Variants in ITGBL1 observed in about 807,000 individuals in gnomAD.
The protein encoded by ITGBL1 is integrin subunit beta like 1, also known as integrin beta-like protein 1.
A neutral mutation model predicts 68.5 loss-of-function variants in ITGBL1; 51 were observed. That is an observed-to-expected ratio of 0.74 (90% confidence interval 0.59 to 0.94). The LOEUF (loss-of-function observed/expected upper bound fraction) is 0.94, where lower values mean the gene tolerates loss of function less well. Ranked by LOEUF, ITGBL1 falls within the 40% of genes least tolerant of loss-of-function variation. ITGBL1 has a pLI of 0.00. For synonymous variants in ITGBL1, 209 were observed against 227.3 expected (o/e 0.92, Z 0.72); for missense variants, 649 against 647.4 (o/e 1.00, Z -0.03).
intron 2 of ITGBL1, among the ~76,000 whole-genome samples, chr13:101,476,007 G>T (rs1425332361): frequency 6.6e-6 from 1 of 152,104 alleles, no homozygotes; most frequent in Non-Finnish European, 1.5e-5. Flanking sequence ...TTATCTGAAG[G>T]TACAAAACTC....
intron 8 of ITGBL1, 119 bp downstream of exon 8, chr13:101,692,820 T>A: frequency 1.4e-6 from 1 of 725,532 alleles, no homozygotes. Context: ...CAGAAAGCAA[T>A]ATACCATTGA....
intron 7 of ITGBL1, among the ~76,000 whole-genome samples, chr13:101,637,282 A>T (rs1336389008): frequency 1.3e-5 from 2 of 152,104 alleles, no homozygotes; most frequent in Non-Finnish European, 2.9e-5. Flanking sequence ...TGAAATGTCA[A>T]GTATGGTTTG....
chr13:101,466,679 A>C (rs2048386055), intron 2 of ITGBL1, among the ~76,000 whole-genome samples: 1 of 152,180 alleles, frequency 6.6e-6, no homozygotes, highest in Non-Finnish European at 1.5e-5. Flanking sequence ...GAATACTAGC[A>C]CCATCTCACA....
Position 101,614,907 on chromosome 13 carries a change from A to G in ITGBL1, c.1015+16608A>G, listed in dbSNP as rs540900851. 4.2e-3 allele frequency among the ~76,000 whole-genome samples: 631 copies of G among 152,048 alleles called. 2 individuals are homozygous for G. The highest frequency in any genetic ancestry group is 0.015 in the African/African-American group (610 of 41,488). ...ACCACTTCTGTCTTAGCTGCAGGTG[A>G]CCCCTTGTGATCCACATTGGAGGTA... On this transcript the variant is annotated intron_variant, in intron 7 of 10. Coordinates refer to ENST00000376180, the MANE Select transcript of ITGBL1 (RefSeq NM_004791.3).
intron 5 of ITGBL1, among the ~76,000 whole-genome samples, chr13:101,581,685 C>T (rs1298160571): frequency 6.6e-6 from 1 of 152,094 alleles, no homozygotes; most frequent in African/African-American, 2.4e-5. Context: ...CCCCATTGAA[C>T]AATATTTCGG....
intron 2 of ITGBL1, 57 bp downstream of exon 2, chr13:101,454,157 T>A (rs1294205521): frequency 7.4e-7 from 1 of 1,355,946 alleles, no homozygotes; most frequent in African/African-American, 1.5e-5. Context: ...TTCTGGGATT[T>A]CTGCCACTCC....
chr13:101,681,814 A>G (rs2033650242), intron 7 of ITGBL1, among the ~76,000 whole-genome samples: 1 of 151,856 alleles, frequency 6.6e-6, no homozygotes, highest in African/African-American at 2.4e-5. Context: ...GGGTGTGCGC[A>G]TGTGCGCATG....
chr13:101,550,123 T>C (rs1395589477), intron 2 of ITGBL1, among the ~76,000 whole-genome samples: 1 of 152,178 alleles, frequency 6.6e-6, no homozygotes, highest in African/African-American at 2.4e-5. Context: ...GATATAGATA[T>C]GTTTAGATAT....
At chr13:101,581,409 A>G (rs2050455837) in intron 5 of ITGBL1, among the ~76,000 whole-genome samples, 1 of 152,338 alleles carries the variant, frequency 6.6e-6, no homozygotes, top group Non-Finnish European at 1.5e-5. Context: ...CCTAACTTCC[A>G]GGTGTAACCT....
At chr13:101,695,185 T>G (rs2033974549) in intron 8 of ITGBL1, among the ~76,000 whole-genome samples, 2 of 152,208 alleles carry the variant, frequency 1.3e-5, no homozygotes, top group African/African-American at 4.8e-5. Context: ...AACAACTATG[T>G]AATGCAGACT....
At chr13:101,598,393 T>C in intron 7 of ITGBL1, 94 bp downstream of exon 7, 1 of 1,077,404 alleles carries the variant, frequency 9.3e-7, no homozygotes, top group Non-Finnish European at 1.2e-6. Context: ...TGTTTGTTTT[T>C]TGTTTTCTGC....
chr13:101,475,949 G>T (rs543686377), intron 2 of ITGBL1, among the ~76,000 whole-genome samples: 1 of 152,258 alleles, frequency 6.6e-6, no homozygotes, highest in African/African-American at 2.4e-5. Context: ...TATGGGAAAT[G>T]CTAGTTTTTC....
chr13:101,490,017 A>G (rs1456931996), intron 2 of ITGBL1: 5 of 1,352,098 alleles, frequency 3.7e-6, no homozygotes, highest in Non-Finnish European at 5.1e-6. Context: ...AGTATTTTTC[A>G]TTAAATTTTA....
intron 2 of ITGBL1, among the ~76,000 whole-genome samples, chr13:101,536,063 T>A (rs201922889): frequency 1.3e-4 from 18 of 142,070 alleles, no homozygotes; most frequent in African/African-American, 1.8e-4. Context: ...CTTTTTTTTT[T>A]AAATTATACT....
intron 2 of ITGBL1, among the ~76,000 whole-genome samples, chr13:101,460,496 A>T (rs189453964): frequency 6.6e-6 from 1 of 152,378 alleles, no homozygotes; most frequent in Non-Finnish European, 1.5e-5. Flanking sequence ...GACGTATAAA[A>T]GTTAAATGTT....
At chr13:101,564,178 AG>A (rs2050143887) in intron 2 of ITGBL1, among the ~76,000 whole-genome samples, 1 of 151,970 alleles carries the variant, frequency 6.6e-6, no homozygotes, top group Non-Finnish European at 1.5e-5. Flanking sequence ...AGGAACTACA[AG>A]AGCTGAAATA....
intron 2 of ITGBL1, among the ~76,000 whole-genome samples, chr13:101,488,181 T>C (rs1208058807): frequency 6.6e-6 from 1 of 152,242 alleles, no homozygotes; most frequent in Non-Finnish European, 1.5e-5. Context: ...AGCATTGACA[T>C]TTGAGGGAGT....
chr13:101,603,797 T>A (rs753779674), intron 7 of ITGBL1, among the ~76,000 whole-genome samples: 1 of 151,944 alleles, frequency 6.6e-6, no homozygotes, highest in Non-Finnish European at 1.5e-5. Flanking sequence ...ATCTCAAAAA[T>A]AGATTTTTGA....
rs1048167195 is a variant in ITGBL1 at position 101,575,522 on chromosome 13, G to A, written c.562G>A (p.Asp188Asn). Residue 188 changes from aspartate to asparagine, a missense_variant, in exon 4 of 11, where the codon GAT becomes AAT. Coordinates refer to ENST00000376180, the MANE Select transcript of ITGBL1 (RefSeq NM_004791.3). ...GTGTGACGATAGAGAATGCATAGAC[G>A]ATGAAACAGAAGAAATATGTGGAGG... ...CECDDRECID[D>N]ETEEICGGHG... 2.6e-5 allele frequency: 42 copies of A among 1,612,300 alleles called. No homozygotes were observed. Among genetic ancestry groups the A allele is most frequent in the East Asian group, 6.7e-5 (3 of 44,802 alleles).
Sources: allele counts gnomAD v4.1 joint callset (sites outside exome capture counted in the v4.1 genomes callset), GRCh38; gene constraint gnomAD v4.1.1; transcripts MANE v1.5; gene names NCBI Gene and HGNC (gene_info 2026-07-23, HGNC 2026-07-21).